Variants in RAB3D observed in about 807,000 individuals in gnomAD.
RAB3D encodes ras-related protein Rab-3D.
A neutral mutation model predicts 19.3 loss-of-function variants in RAB3D; 17 were observed. That is an observed-to-expected ratio of 0.88 (90% CI 0.60 to 1.32). The LOEUF is 1.32. Among genes scored for constraint, RAB3D ranks in the 40% most tolerant of loss-of-function variants. RAB3D has a pLI of 0.00. For synonymous variants in RAB3D, 103 were observed against 119.9 expected (o/e 0.86, Z 0.92); for missense variants, 223 against 299.1 (o/e 0.75, Z 1.88).
chr19:11,335,886 G>A (rs1471180200), intron 2 of RAB3D, 103 bp from the exon 3 acceptor site: 1 of 1,071,472 alleles, frequency 9.3e-7, no homozygotes, highest in South Asian at 1.3e-5. Context: ...GCCTTACGGG[G>A]GAGACACAGA....
intron 3 of RAB3D, 34 bp from the exon 4 acceptor site, chr19:11,335,605 G>C (rs1216504652): frequency 1.9e-5 from 30 of 1,613,730 alleles, no homozygotes; most frequent in Non-Finnish European, 2.4e-5. Flanking sequence ...CATGAGCCGG[G>C]GGGGTTAGGG....
Position 11,335,543 on chromosome 19 carries a change from C to A in RAB3D, c.376G>T (p.Asp126Tyr), listed in dbSNP as rs770290555. ...WATQIKTYSW[D>Y]NAQVILVGNK... ...CCCACCAGGATGACCTGGGCGTTGT[C>A]CCAGGAGTAGGTCTTGATTTGCGTG... Residue 126 changes from aspartate to tyrosine, a missense_variant, in exon 4 of 5, where the codon GAC (aspartate) becomes TAC (tyrosine). Physicochemically the swap from Asp to Tyr is radical, Grantham distance 160. Transcript: ENST00000222120. The A allele has an allele frequency of 2.5e-6, 4 of 1,614,164 alleles. No individual in the cohort carries two copies.
rs1190467438 is a variant in RAB3D, at chr19:11,322,443, G to C, written c.*2955C>G. 2.0e-5 allele frequency: 3 copies of C among 152,134 alleles called. No homozygotes were observed. Among genetic ancestry groups the C allele is most frequent in the African/African-American group, 7.2e-5 (3 of 41,434 alleles). The allele number at this position is 152,134 out of a possible 1,614,324, so 9.4% of individuals were successfully genotyped here. A position where few individuals can be genotyped will look rare whatever the true frequency, so the allele number is the denominator to read the frequency against. ...GTAAAATAAACACAAGCTGCTAAAAGTGAATGTTAAGAAGGAAGGCACTGG... is the reference window on the plus strand; with the variant it reads ...GTAAAATAAACACAAGCTGCTAAAACTGAATGTTAAGAAGGAAGGCACTGG... On this transcript the variant is annotated 3_prime_UTR_variant, in exon 5 of 5. Coordinates refer to ENST00000222120, the MANE Select transcript of RAB3D (RefSeq NM_004283.4).
intron 4 of RAB3D, among the ~76,000 whole-genome samples, chr19:11,325,841 C>T (rs559027547): frequency 3.3e-5 from 5 of 152,264 alleles, no homozygotes; most frequent in South Asian, 4.1e-4. Flanking sequence ...AAGGAAGCTA[C>T]GGCGGGAGGA....
chr19:11,334,629 A>G (rs998128897), intron 4 of RAB3D, among the ~76,000 whole-genome samples: 2 of 151,598 alleles, frequency 1.3e-5, no homozygotes, highest in Non-Finnish European at 2.9e-5. Context: ...TCTCCACGCA[A>G]AATTAAAAAA....
chr19:11,326,959 C>T (rs1473547919), intron 4 of RAB3D: 1 of 493,376 alleles, frequency 2.0e-6, no homozygotes, highest in East Asian at 3.5e-5. Context: ...GGAGCTGTCC[C>T]TGAATCTCCA....
intron 4 of RAB3D, among the ~76,000 whole-genome samples, chr19:11,327,710 T>C (rs1051271979): frequency 2.0e-5 from 3 of 152,124 alleles, no homozygotes; most frequent in African/African-American, 4.8e-5. Context: ...ATTTTTCTGA[T>C]ATTAATCAGG....
chr19:11,328,333 C>CAAAAAAAAAA (rs71164187), intron 4 of RAB3D, among the ~76,000 whole-genome samples: 3 of 57,838 alleles, frequency 5.2e-5, no homozygotes, highest in Non-Finnish European at 6.8e-5. Context: ...GATATTATCT[C>CAAAAAAAAAA]AAAAAAAAAA....
At position 11,325,385 on chromosome 19, in the gene RAB3D, T is replaced by C; in HGVS notation, c.*13A>G. ...AGGCAGGAGAGGGGTGGGTGGGGGG[T>C]TGGGGGCCATCTCTAGCAGCTGCAG... On this transcript the variant is annotated 3_prime_UTR_variant, in exon 5 of 5. Transcript: ENST00000222120. 7.9e-7 allele frequency: 1 copy of C among 1,266,570 alleles called. No homozygotes were observed. Among genetic ancestry groups the C allele is most frequent in the Non-Finnish European group, 1.0e-6 (1 of 982,822 alleles). The allele number at this position is 1,266,570 out of a possible 1,614,324, so 78.5% of individuals were successfully genotyped here.
In RAB3D at chr19:11,324,547, G is replaced by A. The variant is rs1378533543; in HGVS notation, c.*851C>T. On this transcript the variant is annotated 3_prime_UTR_variant, in exon 5 of 5. Coordinates refer to ENST00000222120, the MANE Select transcript of RAB3D (RefSeq NM_004283.4). ...AGGGAGGCCCCAGCCCCAGGCTCCTGGCTCTGAGGTTAATTAACTTCTGGC... is the reference window on the plus strand; with the variant it reads ...AGGGAGGCCCCAGCCCCAGGCTCCTAGCTCTGAGGTTAATTAACTTCTGGC... The A allele has an allele frequency of 6.6e-6, 1 of 152,620 alleles. No individual in the cohort carries two copies. Among genetic ancestry groups the A allele is most frequent in the African/African-American group, 2.4e-5 (1 of 41,434 alleles). 9.5% of individuals were successfully genotyped at this position (152,620 alleles called of 1,614,324 possible).
intron 4 of RAB3D, among the ~76,000 whole-genome samples, chr19:11,326,204 A>G (rs991105437): frequency 1.3e-5 from 2 of 150,486 alleles, no homozygotes; most frequent in Non-Finnish European, 2.9e-5. Context: ...CCTGGGCAAC[A>G]GAGCGAGATT....
At chr19:11,332,194 G>A (rs1341920806) in intron 4 of RAB3D, among the ~76,000 whole-genome samples, 8 of 151,772 alleles carry the variant, frequency 5.3e-5, no homozygotes, top group African/African-American at 9.7e-5. Context: ...CACCACGACC[G>A]GCTAATTTTG....
chr19:11,328,242 G>A (rs753346780), intron 4 of RAB3D, among the ~76,000 whole-genome samples: 2 of 149,910 alleles, frequency 1.3e-5, no homozygotes, highest in Non-Finnish European at 1.5e-5. Context: ...GCTGAAGCAG[G>A]AGGATCACTT....
intron 4 of RAB3D, among the ~76,000 whole-genome samples, chr19:11,330,818 G>A (rs1253670236): frequency 6.6e-6 from 1 of 151,950 alleles, no homozygotes; most frequent in East Asian, 1.9e-4. Flanking sequence ...CCAAAGTGCT[G>A]GGATTACAGG....
In RAB3D at chr19:11,324,285, C is replaced by T. The variant is rs1398568312; in HGVS notation, c.*1113G>A. 1 of 152,654 alleles carries T rather than the reference C, an allele frequency of 6.6e-6. No individual in the cohort carries two copies. The highest frequency in any genetic ancestry group is 1.5e-5 in the Non-Finnish European group (1 of 68,594). 9.5% of individuals were successfully genotyped at this position (152,654 alleles called of 1,614,324 possible). ...AAAAAAAAAAAAAAAGAAGTGACTC[C>T]TCCATTAGCAAAAATTGTCACATCC... is the stretch of plus-strand genomic sequence containing the variant. On this transcript the variant is annotated 3_prime_UTR_variant, in exon 5 of 5. Coordinates refer to ENST00000222120, the MANE Select transcript of RAB3D (RefSeq NM_004283.4).
chr19:11,333,374 C>T (rs2080841786), intron 4 of RAB3D, among the ~76,000 whole-genome samples: 1 of 152,044 alleles, frequency 6.6e-6, no homozygotes, highest in Non-Finnish European at 1.5e-5. Context: ...GCCACTGCGC[C>T]CGGCAGAGAA....
At chr19:11,326,645 C>T in intron 4 of RAB3D, 1 of 527,444 alleles carries the variant, frequency 1.9e-6, no homozygotes, top group South Asian at 2.5e-5. Flanking sequence ...TCTCTATTGC[C>T]CAGGCCGGGG....
intron 4 of RAB3D, among the ~76,000 whole-genome samples, chr19:11,330,263 G>A (rs2080831077): frequency 6.6e-6 from 1 of 152,312 alleles, no homozygotes; most frequent in African/African-American, 2.4e-5. Context: ...AGGCCAGATC[G>A]TAAATATTTT....
In RAB3D at chr19:11,325,526, G is replaced by T. The variant is rs750538732; in HGVS notation, c.532C>A (p.Arg178Ser). The change falls in exon 5 of 5, where the codon CGC (arginine) becomes AGC (serine). Residue 178 changes from arginine to serine, a missense_variant. Arg to Ser is a moderately radical substitution (Grantham distance 110, BLOSUM62 -1). Transcript: ENST00000222120. ...TTCTCGCAGATGACATCCACCAGGC[G>T]CTCGAAGACCTGCTTCACATTGATG... ...ENINVKQVFE[R>S]LVDVICEKMN... 3 of 1,613,636 alleles carry T rather than the reference G, an allele frequency of 1.9e-6. No individual in the cohort carries two copies. Among genetic ancestry groups the T allele is most frequent in the Non-Finnish European group, 2.5e-6 (3 of 1,179,996 alleles).
Sources: allele counts gnomAD v4.1 joint callset (sites outside exome capture counted in the v4.1 genomes callset), GRCh38; gene constraint gnomAD v4.1.1; transcripts MANE v1.5; gene names NCBI Gene and HGNC (gene_info 2026-07-23, HGNC 2026-07-21).